STK32A: variants seen among roughly 807,000 people sequenced by gnomAD.
STK32A encodes the protein serine/threonine-protein kinase 32A.
A neutral mutation model predicts 53.2 loss-of-function variants in STK32A; 41 were observed. The ratio of observed to expected loss-of-function variants is 0.77; its 90% CI spans 0.60 to 1.00. The LOEUF is 1.00. STK32A is among the 50% of genes least tolerant of loss of function. The probability of loss-of-function intolerance (pLI) is 0.00; values close to 1 mark genes in which losing one functional copy is unlikely to be tolerated. For missense variants in STK32A, 458 were observed against 485.8 expected (o/e 0.94, Z 0.54); for synonymous variants, 166 against 162.8 (o/e 1.02, Z -0.15).
At chr5:147,317,203 T>C (rs986880106) in intron 4 of STK32A, among the ~76,000 whole-genome samples, 1 of 151,588 alleles carries the variant, frequency 6.6e-6, no homozygotes. Flanking sequence ...TAACCACCAA[T>C]TTTTACAAAC....
At chr5:147,237,184 G>T (rs1753360284) in intron 1 of STK32A, among the ~76,000 whole-genome samples, 1 of 151,962 alleles carries the variant, frequency 6.6e-6, no homozygotes, top group African/African-American at 2.4e-5. Context: ...ATGGTGGCGG[G>T]TGCCTGTAGT....
At position 147,332,689 on chromosome 5, in the gene STK32A, A is replaced by G. The variant is rs17106454; in HGVS notation, c.434+8618A>G. Among the ~76,000 whole-genome samples, 594 of 152,158 alleles carry G rather than the reference A, an allele frequency of 3.9e-3. 8 individuals are homozygous for G. The East Asian group carries it at 0.046, about 12-fold the overall frequency. On this transcript the variant is annotated intron_variant, in intron 5 of 12. Coordinates refer to ENST00000397936, the MANE Select transcript of STK32A (RefSeq NM_001112724.2). ...CCCTTGCAAATGTTCTCTTTTTCTAACTCTGGTAGCAGAAGGACCACTTGA... is the reference window on the plus strand; with the variant it reads ...CCCTTGCAAATGTTCTCTTTTTCTAGCTCTGGTAGCAGAAGGACCACTTGA...
At chr5:147,341,442 C>A (rs1275479892) in intron 5 of STK32A, among the ~76,000 whole-genome samples, 2 of 152,128 alleles carry the variant, frequency 1.3e-5, no homozygotes, top group Admixed American at 1.3e-4. Context: ...AAGAAACCAT[C>A]CCTGACATCA....
chr5:147,310,633 T>C (rs1753645618), intron 4 of STK32A, among the ~76,000 whole-genome samples: 1 of 152,230 alleles, frequency 6.6e-6, no homozygotes, highest in Non-Finnish European at 1.5e-5. Context: ...CGGTCTATGA[T>C]TGTCATGGAG....
At chr5:147,382,870 G>A (rs1757505941) in intron 11 of STK32A, 1 of 152,434 alleles carries the variant, frequency 6.6e-6, no homozygotes, top group Non-Finnish European at 1.5e-5. Flanking sequence ...GCCTGAGGGA[G>A]AGTGGCTGGC....
chr5:147,298,410 T>C (rs753157425), intron 4 of STK32A, among the ~76,000 whole-genome samples: 3 of 152,238 alleles, frequency 2.0e-5, no homozygotes, highest in Non-Finnish European at 4.4e-5. Context: ...TAATTGTGTG[T>C]GCAAACAAAC....
intron 5 of STK32A, among the ~76,000 whole-genome samples, chr5:147,331,229 C>T (rs915126241): frequency 2.0e-5 from 3 of 152,072 alleles, no homozygotes; most frequent in African/African-American, 4.8e-5. Flanking sequence ...CTACAAAGCA[C>T]CTATGTCACT....
At chr5:147,247,142 G>A (rs768874887) in intron 2 of STK32A, among the ~76,000 whole-genome samples, 1 of 152,168 alleles carries the variant, frequency 6.6e-6, no homozygotes, top group Non-Finnish European at 1.5e-5. Context: ...ATCACTTCAA[G>A]CCTACTATCT....
chr5:147,252,860 A>G (rs1754058018), intron 2 of STK32A, among the ~76,000 whole-genome samples: 1 of 152,166 alleles, frequency 6.6e-6, no homozygotes, highest in Non-Finnish European at 1.5e-5. Context: ...CATGAGGGCC[A>G]GGGATTTTTG....
chr5:147,276,566 T>C (rs1266968687), intron 2 of STK32A, among the ~76,000 whole-genome samples: 1 of 152,162 alleles, frequency 6.6e-6, no homozygotes, highest in Non-Finnish European at 1.5e-5. Flanking sequence ...GTTTTATTTA[T>C]TTGCTAAGAC....
chr5:147,385,872 C>A lies in STK32A; in HGVS notation c.*1889C>A, dbSNP rs1000367246. On this transcript the variant is annotated 3_prime_UTR_variant, in exon 13 of 13. Coordinates refer to ENST00000397936, the MANE Select transcript of STK32A (RefSeq NM_001112724.2). ...GGCAGTAAGCTGGCAACTGCGAAGA[C>A]CTGACTGATGCCCATTTGGGAAGCC... is the stretch of plus-strand genomic sequence containing the variant. 8 of 152,232 alleles carry A rather than the reference C, an allele frequency of 5.3e-5. No individual in the cohort carries two copies. The highest frequency in any genetic ancestry group is 1.9e-4 in the African/African-American group (8 of 41,440). The allele number at this position is 152,232 out of a possible 1,614,324, so 9.4% of individuals were successfully genotyped here. A position where few individuals can be genotyped will look rare whatever the true frequency, so the allele number is the denominator to read the frequency against.
At chr5:147,331,207 A>C (rs1357721383) in intron 5 of STK32A, among the ~76,000 whole-genome samples, 1 of 152,214 alleles carries the variant, frequency 6.6e-6, no homozygotes, top group Non-Finnish European at 1.5e-5. Context: ...ATTTTTAACT[A>C]TTTAATTTAT....
intron 4 of STK32A, among the ~76,000 whole-genome samples, chr5:147,291,959 A>G (rs1165560779): frequency 6.6e-6 from 1 of 152,202 alleles, no homozygotes; most frequent in Non-Finnish European, 1.5e-5. Flanking sequence ...TTCATAAGGA[A>G]TCTCAGATTA....
At chr5:147,359,165 G>C (rs1756386822) in intron 7 of STK32A, among the ~76,000 whole-genome samples, 1 of 152,064 alleles carries the variant, frequency 6.6e-6, no homozygotes, top group Admixed American at 6.6e-5. Context: ...TACTCTCTTA[G>C]GTGCAGGGAA....
the STK32A span, among the ~76,000 whole-genome samples, chr5:147,397,452 T>C: frequency 6.6e-6 from 1 of 152,144 alleles, no homozygotes; most frequent in African/African-American, 2.4e-5. Context: ...GTGGGAAAAG[T>C]CATTTGGGAA....
chr5:147,313,282 A>G (rs1358894566), intron 4 of STK32A, among the ~76,000 whole-genome samples: 1 of 152,170 alleles, frequency 6.6e-6, no homozygotes, highest in East Asian at 1.9e-4. Flanking sequence ...ATAGATGCAT[A>G]GAGTTTTTCA....
chr5:147,338,629 G>A (rs1423783112), intron 5 of STK32A, among the ~76,000 whole-genome samples: 2 of 152,196 alleles, frequency 1.3e-5, no homozygotes, highest in Non-Finnish European at 2.9e-5. Context: ...GAATGGCTTT[G>A]ACCAAAATGC....
At chr5:147,284,997 C>T (rs572928928) in intron 4 of STK32A, among the ~76,000 whole-genome samples, 45 of 152,156 alleles carry the variant, frequency 3.0e-4, no homozygotes, top group Middle Eastern at 6.8e-3. Context: ...ATAGCCAAAG[C>T]AAGACTAAGC....
At chr5:147,396,156 G>A in the STK32A span, among the ~76,000 whole-genome samples, 68,357 of 151,822 alleles carry the variant, frequency 0.45, 16,147 homozygotes, top group African/African-American at 0.56. Flanking sequence ...ACACGAGGTC[G>A]CAGGTCCTGG....
Sources: allele counts gnomAD v4.1 joint callset (sites outside exome capture counted in the v4.1 genomes callset), GRCh38; gene constraint gnomAD v4.1.1; transcripts MANE v1.5; gene names NCBI Gene and HGNC (gene_info 2026-07-23, HGNC 2026-07-21).